SPAG16: variants seen among roughly 807,000 people sequenced by gnomAD.
SPAG16 encodes sperm associated antigen 16, also known as sperm-associated antigen 16 protein.
Under a neutral mutation model 80.4 loss-of-function variants are expected in SPAG16, and 86 were observed. The observed-to-expected ratio is 1.07, with a 90% CI of 0.90 to 1.28. The LOEUF is 1.28. Ranked by LOEUF, SPAG16 falls within the 50% of genes most tolerant of loss-of-function variation. SPAG16 has a pLI of 0.00. For missense variants in SPAG16, 870 were observed against 765.3 expected (o/e 1.14, Z -1.61); for synonymous variants, 294 against 265.9 (o/e 1.11, Z -1.03).
intron 15 of SPAG16, among the ~76,000 whole-genome samples, chr2:214,358,190 C>A (rs73989456): frequency 6.6e-6 from 1 of 151,614 alleles, no homozygotes; most frequent in Admixed American, 6.6e-5. Flanking sequence ...GTGTCTTATG[C>A]GATGCTCTTG....
intron 10 of SPAG16, among the ~76,000 whole-genome samples, chr2:213,774,207 C>A (rs1223332665): frequency 6.6e-6 from 1 of 152,132 alleles, no homozygotes; most frequent in East Asian, 1.9e-4. Context: ...GCTGCTGTAA[C>A]AAATTACCAT....
intron 12 of SPAG16, among the ~76,000 whole-genome samples, chr2:213,977,833 C>A (rs1170579773): frequency 2.0e-5 from 3 of 152,038 alleles, no homozygotes; most frequent in Non-Finnish European, 4.4e-5. Context: ...CTGCATACAA[C>A]TTTGTAGATC....
chr2:213,832,549 C>A (rs1032996897), intron 10 of SPAG16, among the ~76,000 whole-genome samples: 4 of 152,124 alleles, frequency 2.6e-5, no homozygotes, highest in Admixed American at 2.6e-4. Context: ...AGAAAGGTCA[C>A]TCTCTTCCTT....
At chr2:213,431,638 G>A (rs1051652959) in intron 9 of SPAG16, among the ~76,000 whole-genome samples, 3 of 151,928 alleles carry the variant, frequency 2.0e-5, no homozygotes, top group Non-Finnish European at 4.4e-5. Flanking sequence ...GAAAGAGATA[G>A]CAACACAATA....
At chr2:214,278,567 A>G (rs1692654081) in intron 15 of SPAG16, among the ~76,000 whole-genome samples, 1 of 152,190 alleles carries the variant, frequency 6.6e-6, no homozygotes, top group Non-Finnish European at 1.5e-5. Flanking sequence ...TAGTCCTTCT[A>G]TAAAGAGACT....
chr2:213,672,172 T>C (rs1225252785), intron 10 of SPAG16, among the ~76,000 whole-genome samples: 1 of 149,078 alleles, frequency 6.7e-6, no homozygotes, highest in African/African-American at 2.6e-5. Flanking sequence ...TGAATTTCTT[T>C]GATTTTTTTT....
At chr2:214,251,051 A>T (rs1189721425) in intron 15 of SPAG16, among the ~76,000 whole-genome samples, 2 of 151,890 alleles carry the variant, frequency 1.3e-5, no homozygotes, top group African/African-American at 4.8e-5. Flanking sequence ...TAATGAATAC[A>T]GTTAAATGGA....
intron 15 of SPAG16, among the ~76,000 whole-genome samples, chr2:214,224,100 G>A (rs1414399520): frequency 6.6e-6 from 1 of 152,088 alleles, no homozygotes; most frequent in Admixed American, 6.6e-5. Flanking sequence ...GATCATAAAG[G>A]GCCTTGAAAG....
At chr2:213,835,603 C>CT (rs1339333320) in intron 10 of SPAG16, among the ~76,000 whole-genome samples, 1 of 152,038 alleles carries the variant, frequency 6.6e-6, no homozygotes, top group Non-Finnish European at 1.5e-5. Flanking sequence ...GTACTATAAT[C>CT]TTTTTTCCTA....
chr2:214,179,379 A>G (rs1255505400), intron 15 of SPAG16, among the ~76,000 whole-genome samples: 4 of 151,392 alleles, frequency 2.6e-5, no homozygotes, highest in Admixed American at 1.3e-4. Context: ...ACCCCAGCGT[A>G]TATACTGCTT....
chr2:213,784,138 G>A (rs2070176775), intron 10 of SPAG16, among the ~76,000 whole-genome samples: 1 of 72,108 alleles, frequency 1.4e-5, no homozygotes, highest in Non-Finnish European at 3.6e-5. Context: ...CTGCTGTGCT[G>A]AAATGGAAGG....
intron 15 of SPAG16, among the ~76,000 whole-genome samples, chr2:214,403,414 T>C (rs1701825062): frequency 6.7e-6 from 1 of 150,042 alleles, no homozygotes; most frequent in South Asian, 2.1e-4. Flanking sequence ...ATCTATAAAA[T>C]GTACCCAAAA....
At chr2:214,333,544 A>G (rs1052196074) in intron 15 of SPAG16, among the ~76,000 whole-genome samples, 1 of 152,228 alleles carries the variant, frequency 6.6e-6, no homozygotes, top group Non-Finnish European at 1.5e-5. Flanking sequence ...TAGAAAGGAC[A>G]GCTGCCACTA....
intron 4 of SPAG16, among the ~76,000 whole-genome samples, chr2:213,312,510 C>G (rs781622839): frequency 6.6e-6 from 1 of 151,578 alleles, no homozygotes; most frequent in Non-Finnish European, 1.5e-5. Flanking sequence ...TTTTTTGCCT[C>G]TTACTACACT....
At chr2:213,755,347 A>G (rs938022566) in intron 10 of SPAG16, among the ~76,000 whole-genome samples, 4 of 152,210 alleles carry the variant, frequency 2.6e-5, no homozygotes, top group African/African-American at 9.6e-5. Flanking sequence ...ATATCATGTT[A>G]TATAGAAAAT....
chr2:214,365,608 T>C (rs1699429421), intron 15 of SPAG16, among the ~76,000 whole-genome samples: 1 of 152,174 alleles, frequency 6.6e-6, no homozygotes, highest in African/African-American at 2.4e-5. Context: ...TTTCCCCAAA[T>C]TGATTAAAAT....
chr2:213,591,443 T>C (rs1459071040), intron 10 of SPAG16, among the ~76,000 whole-genome samples: 1 of 152,138 alleles, frequency 6.6e-6, no homozygotes, highest in South Asian at 2.1e-4. Flanking sequence ...AGTAAAGACA[T>C]GTGGATCAAA....
chr2:213,576,588 G>A (rs2060134171), intron 10 of SPAG16, among the ~76,000 whole-genome samples: 2 of 152,078 alleles, frequency 1.3e-5, no homozygotes, highest in African/African-American at 4.8e-5. Context: ...TTCCATCAAT[G>A]ATAGACTGGA....
At chr2:213,825,681 TTTTC>T (rs1245883226) in intron 10 of SPAG16, among the ~76,000 whole-genome samples, 3 of 147,072 alleles carry the variant, frequency 2.0e-5, no homozygotes, top group East Asian at 2.0e-4. Flanking sequence ...TAGCCTGTAG[TTTTC>T]TTTCTTTCTT....
Sources: allele counts gnomAD v4.1 joint callset (sites outside exome capture counted in the v4.1 genomes callset), GRCh38; gene constraint gnomAD v4.1.1; transcripts MANE v1.5; gene names NCBI Gene and HGNC (gene_info 2026-07-23, HGNC 2026-07-21).